RNU12: variants seen among roughly 807,000 people sequenced by gnomAD.
RNU12 encodes the protein RNA, U12 small nuclear.
exon 1 of RNU12, chr22:42,615,288 G>C (rs764317946): frequency 6.3e-5 from 13 of 205,552 alleles, no homozygotes; most frequent in East Asian, 1.8e-4. Flanking sequence ...TCGGGGTGAC[G>C]CCCGAATCCT....
At chr22:42,615,282 G>A (rs574320142) in exon 1 of RNU12, 19 of 205,934 alleles carry the variant, frequency 9.2e-5, no homozygotes, top group East Asian at 1.8e-4. Context: ...AACGATTCGG[G>A]GTGACGCCCG....
chr22:42,615,347 G>C (rs542465984), exon 1 of RNU12: 62 of 161,130 alleles, frequency 3.8e-4, no homozygotes, highest in Non-Finnish European at 2.9e-4. Flanking sequence ...TCGCCCTCAA[G>C]GTGACCCGCC....
exon 1 of RNU12, chr22:42,615,334 A>C (rs948961087): frequency 1.2e-5 from 2 of 170,676 alleles, no homozygotes; most frequent in Non-Finnish European, 2.6e-5. Flanking sequence ...GAGCGGGTAA[A>C]GGTCGCCCTC....
At chr22:42,615,341 C>A (rs140763661) in exon 1 of RNU12, 2 of 162,320 alleles carry the variant, frequency 1.2e-5, no homozygotes, top group South Asian at 1.2e-4. Flanking sequence ...TAAAGGTCGC[C>A]CTCAAGGTGA....
At chr22:42,615,253 A>C in exon 1 of RNU12, 1 of 221,538 alleles carries the variant, frequency 4.5e-6, no homozygotes. Flanking sequence ...TATGCCTTAA[A>C]CTTATGAGTA....
chr22:42,615,343 T>TCAAGGTGA, exon 1 of RNU12: 1 of 162,104 alleles, frequency 6.2e-6, no homozygotes, highest in East Asian at 1.9e-4. Flanking sequence ...AAGGTCGCCC[T>TCAAGGTGA]CAAGGTGACC....
exon 1 of RNU12, chr22:42,615,327 C>G (rs562254327): frequency 4.1e-5 from 7 of 172,464 alleles, no homozygotes; most frequent in Non-Finnish European, 8.8e-5. Flanking sequence ...AATTTTTGAG[C>G]GGGTAAAGGT....
At chr22:42,615,344 C>T (rs551876905) in exon 1 of RNU12, 60 of 161,862 alleles carry the variant, frequency 3.7e-4, no homozygotes, top group East Asian at 5.7e-4. Context: ...AGGTCGCCCT[C>T]AAGGTGACCC....
chr22:42,615,307 A>C (rs995740478), exon 1 of RNU12: 5 of 182,298 alleles, frequency 2.7e-5, no homozygotes, highest in South Asian at 7.6e-5. Flanking sequence ...CTCACTGCTA[A>C]TGTGAGACGA....
At chr22:42,615,300 A>G (rs545886193) in exon 1 of RNU12, 19 of 193,784 alleles carry the variant, frequency 9.8e-5, no homozygotes, top group African/African-American at 1.7e-4. Flanking sequence ...CCGAATCCTC[A>G]CTGCTAATGT....
chr22:42,615,308 T>G (rs747816836), exon 1 of RNU12: 2 of 182,402 alleles, frequency 1.1e-5, no homozygotes, highest in Non-Finnish European at 1.2e-5. Flanking sequence ...TCACTGCTAA[T>G]GTGAGACGAA....
exon 1 of RNU12, chr22:42,615,371 G>C (rs376006083): frequency 3.8e-5 from 6 of 157,106 alleles, no homozygotes; most frequent in East Asian, 3.8e-4. Flanking sequence ...TTTGCGGGAT[G>C]CCTGGGAGTT....
At chr22:42,615,339 G>A (rs563376636) in exon 1 of RNU12, 16 of 163,044 alleles carry the variant, frequency 9.8e-5, no homozygotes, top group Non-Finnish European at 1.8e-4. Flanking sequence ...GGTAAAGGTC[G>A]CCCTCAAGGT....
At chr22:42,615,271 T>C (rs1927443300) in exon 1 of RNU12, 1 of 205,462 alleles carries the variant, frequency 4.9e-6, no homozygotes, top group Non-Finnish European at 1.0e-5. Context: ...GTAAGGAAAA[T>C]AACGATTCGG....
chr22:42,615,281 G>C (rs371440708), exon 1 of RNU12: 2 of 206,828 alleles, frequency 9.7e-6, no homozygotes, highest in Non-Finnish European at 2.0e-5. Flanking sequence ...TAACGATTCG[G>C]GGTGACGCCC....
At chr22:42,615,342 C>T (rs752359226) in exon 1 of RNU12, 23 of 162,442 alleles carry the variant, frequency 1.4e-4, no homozygotes, top group African/African-American at 2.2e-4. Flanking sequence ...AAAGGTCGCC[C>T]TCAAGGTGAC....
exon 1 of RNU12, chr22:42,615,297 C>G (rs549604353): frequency 4.9e-5 from 10 of 205,082 alleles, no homozygotes; most frequent in Non-Finnish European, 5.1e-5. Context: ...CGCCCGAATC[C>G]TCACTGCTAA....
At chr22:42,615,260 A>G (rs1448762373) in exon 1 of RNU12, 3 of 212,512 alleles carry the variant, frequency 1.4e-5, no homozygotes, top group South Asian at 5.2e-5. Flanking sequence ...TAAACTTATG[A>G]GTAAGGAAAA....
At chr22:42,615,251 A>C (rs1319068341) in exon 1 of RNU12, 1 of 230,274 alleles carries the variant, frequency 4.3e-6, no homozygotes, top group Non-Finnish European at 8.7e-6. Flanking sequence ...CTTATGCCTT[A>C]AACTTATGAG....
Sources: allele counts gnomAD v4.1 joint callset, GRCh38; gene constraint gnomAD v4.1.1; transcripts MANE v1.5; gene names NCBI Gene and HGNC (gene_info 2026-07-23, HGNC 2026-07-21).